Variants in EVC observed in about 807,000 individuals in gnomAD.
EVC encodes the protein evC complex member EVC.
In EVC, 116 loss-of-function variants were observed where a neutral mutation model predicts 118.9. That is an observed-to-expected ratio of 0.98 (90% confidence interval 0.84 to 1.14). EVC has a LOEUF of 1.14. Among genes scored for constraint, EVC ranks in the 50% most tolerant of loss-of-function variants. EVC has a pLI of 0.00. For missense variants in EVC, 1,401 were observed against 1,246.4 expected (o/e 1.12, Z -1.87); for synonymous variants, 619 against 534.7 (o/e 1.16, Z -2.18).
At chr4:5,729,983 G>A (rs1416661814) in intron 3 of EVC, among the ~76,000 whole-genome samples, 1 of 152,180 alleles carries the variant, frequency 6.6e-6, no homozygotes, top group African/African-American at 2.4e-5. Flanking sequence ...AGCCTGGGAG[G>A]TGCTTTGTGC....
chr4:5,791,564 G>A (rs1228728059), intron 12 of EVC, among the ~76,000 whole-genome samples: 1 of 152,140 alleles, frequency 6.6e-6, no homozygotes, highest in Non-Finnish European at 1.5e-5. Context: ...CTGGAGGAGG[G>A]CAGAAGTATG....
chr4:5,794,188 G>T (rs1000706703), intron 13 of EVC, among the ~76,000 whole-genome samples: 16 of 140,786 alleles, frequency 1.1e-4, no homozygotes, highest in African/African-American at 3.7e-4. Flanking sequence ...TTTCCAATTT[G>T]CTGGAAAGTA....
At chr4:5,825,058 A>T in the EVC span, 6 of 985,274 alleles carry the variant, frequency 6.1e-6, no homozygotes, top group African/African-American at 1.0e-4. This position sits in a 1 kb window ranked among gnomAD's most constrained non-coding sequence, Gnocchi z 4.4. Flanking sequence ...AAATAAAATC[A>T]TGGGTTATGA....
Position 5,731,767 on chromosome 4 carries a change from T to C in EVC, c.617+110T>C. ...GAGGCCCAGAGAGGTTCAGTGACTC[T>C]GCCAGGGACACACAGCGACCCAGCG... On this transcript the variant is annotated intron_variant, in intron 4 of 20. Transcript: ENST00000264956. This position sits in a 1 kb window ranked among gnomAD's most constrained non-coding sequence, Gnocchi z 5.6. The C allele has an allele frequency of 9.0e-7, 1 of 1,108,882 alleles. No individual in the cohort carries two copies. Among genetic ancestry groups the C allele is most frequent in the East Asian group, 2.6e-5 (1 of 38,912 alleles). The allele number at this position is 1,108,882 out of a possible 1,614,324, so 68.7% of individuals were successfully genotyped here. A position where few individuals can be genotyped will look rare whatever the true frequency, so the allele number is the denominator to read the frequency against.
chr4:5,815,257 G>A (rs1296568320), downstream of EVC, among the ~76,000 whole-genome samples: 1 of 152,210 alleles, frequency 6.6e-6, no homozygotes, highest in African/African-American at 2.4e-5. Context: ...AGCTCCATGA[G>A]CTTTACAGTG....
intron 11 of EVC, among the ~76,000 whole-genome samples, chr4:5,768,349 C>T (rs1212020128): frequency 1.3e-5 from 2 of 152,052 alleles, no homozygotes; most frequent in Non-Finnish European, 2.9e-5. Flanking sequence ...AAGCAGGGAG[C>T]CCTGGTAGGA....
At chr4:5,765,041 G>A (rs1203284577) in intron 11 of EVC, among the ~76,000 whole-genome samples, 1 of 117,416 alleles carries the variant, frequency 8.5e-6, no homozygotes, top group Non-Finnish European at 1.8e-5. Context: ...TGGGCATTTA[G>A]TGCTATAAAT....
chr4:5,784,267 C>G (rs1419565823), intron 12 of EVC, among the ~76,000 whole-genome samples: 2 of 152,134 alleles, frequency 1.3e-5, no homozygotes, highest in African/African-American at 4.8e-5. Context: ...GTGGGTTATC[C>G]TGGTGAGCCC....
At chr4:5,804,470 G>A (rs564416445) in intron 16 of EVC, among the ~76,000 whole-genome samples, 5 of 152,218 alleles carry the variant, frequency 3.3e-5, no homozygotes, top group South Asian at 4.1e-4. Flanking sequence ...TTTCTTAGTC[G>A]GCACCCATTT....
downstream of EVC, among the ~76,000 whole-genome samples, chr4:5,819,063 A>G (rs73206222): frequency 0.017 from 2,622 of 152,342 alleles, 33 homozygotes; most frequent in South Asian, 0.043. Flanking sequence ...TAGTCTTTGC[A>G]ATAAATGGTG....
In EVC at chr4:5,731,474, A is replaced by C. The variant is rs757694707; in HGVS notation, c.434A>C (p.Gln145Pro). 1.3e-5 allele frequency: 21 copies of C among 1,613,180 alleles called. No individual in the cohort carries two copies. Among genetic ancestry groups the C allele is most frequent in the Non-Finnish European group, 1.8e-5 (21 of 1,179,892 alleles). Reference sequence around the variant, plus strand: ...CCGTCTCTGCATGAAAACTTAAAGCAGGCTGTTTTGCCACACCAGCCGGTA... The same window carrying C: ...CCGTCTCTGCATGAAAACTTAAAGCCGGCTGTTTTGCCACACCAGCCGGTA... ...SNPSLHENLK[Q>P]AVLPHQPVEA... The change falls in exon 4 of 21, where the codon CAG becomes CCG. Residue 145 changes from glutamine (Q) to proline (P), a missense_variant. Transcript: ENST00000264956. The surrounding 1 kb of genome is among the most constrained non-coding windows in gnomAD (Gnocchi z 5.6).
At position 5,746,687 on chromosome 4, in the gene EVC, C is replaced by G. The variant is rs1560325755; in HGVS notation, c.939+1346C>G. Among the ~76,000 whole-genome samples, 1 of 152,152 alleles carries G rather than the reference C, an allele frequency of 6.6e-6. No homozygotes were observed. Among genetic ancestry groups the G allele is most frequent in the Non-Finnish European group, 1.5e-5 (1 of 68,042 alleles). On this transcript the variant is annotated intron_variant, in intron 7 of 20. Transcript: ENST00000264956. This position sits in a 1 kb window ranked among gnomAD's most constrained non-coding sequence, Gnocchi z 5.8. ...TGTCCATGTCTGCCTTTCTCAGGGA[C>G]AGGGTTCAGAATTTTCATAAGATTC... is the stretch of plus-strand genomic sequence containing the variant.
At chr4:5,819,130 G>A (rs916170180), downstream of EVC, among the ~76,000 whole-genome samples, 1 of 152,166 alleles carries the variant, frequency 6.6e-6, no homozygotes, top group African/African-American at 2.4e-5. Context: ...ACCTTATATT[G>A]TACATAAAGA....
At chr4:5,804,985 G>C (rs62297684) in intron 17 of EVC, 144 bp downstream of exon 17, 1 of 734,268 alleles carries the variant, frequency 1.4e-6, no homozygotes, top group Non-Finnish European at 2.4e-6. Context: ...CGCTGCCTCT[G>C]TCCTGGTCTC....
At chr4:5,764,091 C>A (rs1200704468) in intron 11 of EVC, among the ~76,000 whole-genome samples, 22 of 142,846 alleles carry the variant, frequency 1.5e-4, no homozygotes, top group Middle Eastern at 3.6e-3. Context: ...TACCTAATTT[C>A]TTGAGAGTTT....
intron 12 of EVC, among the ~76,000 whole-genome samples, chr4:5,787,420 G>C (rs1010602962): frequency 6.6e-6 from 1 of 152,230 alleles, no homozygotes; most frequent in Non-Finnish European, 1.5e-5. Flanking sequence ...AAGTGAAAAA[G>C]GAGCAGCAGT....
At position 5,743,784 on chromosome 4, in the gene EVC, A is replaced by G. The variant is rs1419884000; in HGVS notation, c.802-1420A>G. Reference sequence around the variant, plus strand: ...CGTCGTGCTTGACATACATTATTTCATTTAATAGTTATGACAGCCCTGTGA... The same window carrying G: ...CGTCGTGCTTGACATACATTATTTCGTTTAATAGTTATGACAGCCCTGTGA... On this transcript the variant is annotated intron_variant, in intron 6 of 20. Transcript: ENST00000264956. This position sits in a 1 kb window ranked among gnomAD's most constrained non-coding sequence, Gnocchi z 4.7. 6.6e-6 allele frequency among the ~76,000 whole-genome samples: 1 copy of G among 152,168 alleles called. No homozygotes were observed. Among genetic ancestry groups the G allele is most frequent in the African/African-American group, 2.4e-5 (1 of 41,434 alleles).
Position 5,783,708 on chromosome 4 carries a change from C to A in EVC, c.1720C>A (p.Arg574Ser), listed in dbSNP as rs141820870. 1 of 1,613,980 alleles carries A rather than the reference C, an allele frequency of 6.2e-7. No homozygotes were observed. The highest frequency in any genetic ancestry group is 1.7e-5 in the Admixed American group (1 of 60,002). ...NAAWQLGKSN[R>S]FRRQQWKLFQ... ...TGCCTGGCAGCTGGGGAAGTCAAAT[C>A]GCTTCCGGAGGCAGCAGTGGAAACT... The change falls in exon 12 of 21, where the codon CGC (arginine) becomes AGC (serine). Residue 574 changes from arginine to serine, a missense_variant. Arg to Ser is a moderately radical substitution (Grantham distance 110). Coordinates refer to ENST00000264956, the MANE Select transcript of EVC (RefSeq NM_153717.3).
At chr4:5,762,151 G>A (rs1372266925) in intron 11 of EVC, among the ~76,000 whole-genome samples, 2 of 129,624 alleles carry the variant, frequency 1.5e-5, no homozygotes, top group Non-Finnish European at 1.7e-5. Flanking sequence ...AATATGCGGT[G>A]TTTGGTTTTT....
Sources: allele counts gnomAD v4.1 joint callset (sites outside exome capture counted in the v4.1 genomes callset), GRCh38; gene constraint gnomAD v4.1.1; non-coding constraint Gnocchi (gnomAD v3.1); transcripts MANE v1.5; gene names NCBI Gene and HGNC (gene_info 2026-07-23, HGNC 2026-07-21).